The following RHOJ variants were observed in gnomAD, a reference collection of about 807,000 sequenced individuals.
RHOJ encodes rho-related GTP-binding protein RhoJ.
A neutral mutation model predicts 23.4 loss-of-function variants in RHOJ; 11 were observed. The observed-to-expected ratio is 0.47, with a 90% CI of 0.30 to 0.78. RHOJ has a LOEUF of 0.78. Ranked by LOEUF, RHOJ falls within the 30% of genes least tolerant of loss-of-function variation. RHOJ has a pLI of 0.08. For missense variants in RHOJ, 254 were observed against 273.4 expected (o/e 0.93, Z 0.50); for synonymous variants, 102 against 102.7 (o/e 0.99, Z 0.04).
chr14:63,221,839 A>G (rs1168854750), intron 1 of RHOJ, among the ~76,000 whole-genome samples: 1 of 151,948 alleles, frequency 6.6e-6, no homozygotes, highest in African/African-American at 2.4e-5. Flanking sequence ...TTTTTTTTTT[A>G]ATACTTTAAG....
intron 1 of RHOJ, among the ~76,000 whole-genome samples, chr14:63,258,634 C>G (rs1238186020): frequency 6.6e-6 from 1 of 152,162 alleles, no homozygotes; most frequent in East Asian, 1.9e-4. Context: ...GGGTACCAGC[C>G]ATGCCCTGGG....
At chr14:63,234,549 T>C (rs188986168) in intron 1 of RHOJ, among the ~76,000 whole-genome samples, 155 of 152,344 alleles carry the variant, frequency 1.0e-3, no homozygotes, top group Admixed American at 2.4e-3. Context: ...ATATGTTTTA[T>C]TGGTACTAGT....
intron 1 of RHOJ, among the ~76,000 whole-genome samples, chr14:63,257,622 G>T (rs1895194031): frequency 1.3e-5 from 2 of 149,742 alleles, no homozygotes; most frequent in Non-Finnish European, 3.0e-5. Context: ...GTAGCCCACG[G>T]CTCCCTACAT....
intron 1 of RHOJ, among the ~76,000 whole-genome samples, chr14:63,225,756 A>G (rs983641947): frequency 1.3e-5 from 2 of 152,220 alleles, no homozygotes; most frequent in African/African-American, 4.8e-5. Flanking sequence ...GGTCTCAGAA[A>G]TGTCCCATAA....
In RHOJ at chr14:63,261,469, C is replaced by A. The variant is rs186829924; in HGVS notation, c.179-7641C>A. On this transcript the variant is annotated intron_variant, in intron 1 of 4. Transcript: ENST00000316754. ...TTTGAGACAGAGTCTTACTCTGTTA[C>A]CCAAGCTCTGGAGTGAAGTGCCAAA... 2.4e-3 allele frequency among the ~76,000 whole-genome samples: 371 copies of A among 151,808 alleles called. 8 individuals carry two copies. Among genetic ancestry groups the A allele is most frequent in the Admixed American group, 0.022 (339 of 15,230 alleles).
Position 63,290,957 on chromosome 14 carries a change from C to T in RHOJ, c.578C>T (p.Thr193Ile). ...LKAVFDEAIL[T>I]IFHPKKKKKR... The stretch of plus-strand genomic sequence containing the variant: ...GCGGTTTTTGATGAAGCAATCCTCA[C>T]CATTTTCCACCCCAAGAAAAAGAAG... Residue 193 changes from threonine (T) to isoleucine (I), a missense_variant, in exon 5 of 5, where the codon ACC becomes ATC. Coordinates refer to ENST00000316754, the MANE Select transcript of RHOJ (RefSeq NM_020663.5). The T allele has an allele frequency of 6.2e-7, 1 of 1,614,118 alleles. No homozygotes were observed. Among genetic ancestry groups the T allele is most frequent in the Admixed American group, 1.7e-5 (1 of 60,016 alleles).
intron 1 of RHOJ, among the ~76,000 whole-genome samples, chr14:63,229,211 G>A (rs1482598420): frequency 6.6e-6 from 1 of 152,124 alleles, no homozygotes; most frequent in Non-Finnish European, 1.5e-5. Context: ...AATAATTTGG[G>A]TCCAAATAAC....
At chr14:63,222,292 C>G (rs557842648) in intron 1 of RHOJ, among the ~76,000 whole-genome samples, 3 of 151,996 alleles carry the variant, frequency 2.0e-5, no homozygotes, top group Non-Finnish European at 4.4e-5. Context: ...CATACGTGTG[C>G]GTGTGTCTTT....
chr14:63,237,728 A>G (rs1389536763), intron 1 of RHOJ, among the ~76,000 whole-genome samples: 1 of 152,264 alleles, frequency 6.6e-6, no homozygotes, highest in African/African-American at 2.4e-5. Context: ...TAATTTAGCT[A>G]TACATTTGTT....
chr14:63,221,148 A>C (rs989174516), intron 1 of RHOJ, among the ~76,000 whole-genome samples: 2 of 152,036 alleles, frequency 1.3e-5, no homozygotes, highest in Non-Finnish European at 2.9e-5. Context: ...GGGCAACATG[A>C]GGAGACCCCG....
intron 1 of RHOJ, among the ~76,000 whole-genome samples, chr14:63,210,297 A>C (rs1315592849): frequency 6.6e-6 from 1 of 152,202 alleles, no homozygotes; most frequent in East Asian, 1.9e-4. Flanking sequence ...CCAGTGTCAC[A>C]TCTACTGAAT....
chr14:63,205,068 C>G (rs558425531), intron 1 of RHOJ, 21 bp downstream of exon 1: 20 of 1,605,176 alleles, frequency 1.2e-5, no homozygotes, highest in Non-Finnish European at 1.7e-5. Flanking sequence ...GTGGGAAACT[C>G]TCTGCATCCA....
At chr14:63,255,456 G>T (rs1895146306) in intron 1 of RHOJ, among the ~76,000 whole-genome samples, 1 of 152,170 alleles carries the variant, frequency 6.6e-6, no homozygotes, top group African/African-American at 2.4e-5. Flanking sequence ...CAGACCAGTA[G>T]CAAGGGCACT....
intron 2 of RHOJ, among the ~76,000 whole-genome samples, chr14:63,274,764 C>T (rs1431309266): frequency 6.6e-6 from 1 of 152,182 alleles, no homozygotes; most frequent in Non-Finnish European, 1.5e-5. Context: ...CAGGATCACA[C>T]CATAGTCACA....
chr14:63,274,615 A>G (rs1030931387), intron 2 of RHOJ, among the ~76,000 whole-genome samples: 2 of 152,208 alleles, frequency 1.3e-5, no homozygotes, highest in African/African-American at 4.8e-5. Context: ...TTACTGGATC[A>G]TTAAAGTACT....
intron 1 of RHOJ, among the ~76,000 whole-genome samples, chr14:63,263,607 C>T (rs1895312073): frequency 6.6e-6 from 1 of 152,140 alleles, no homozygotes; most frequent in African/African-American, 2.4e-5. Context: ...CAGTACTGGC[C>T]CCACACACAG....
At chr14:63,238,806 G>A (rs367911842) in intron 1 of RHOJ, among the ~76,000 whole-genome samples, 2 of 152,290 alleles carry the variant, frequency 1.3e-5, no homozygotes, top group African/African-American at 4.8e-5. Flanking sequence ...GAACTATGAA[G>A]GGGATTTTCA....
At chr14:63,233,459 G>A (rs1312777018) in intron 1 of RHOJ, among the ~76,000 whole-genome samples, 2 of 152,114 alleles carry the variant, frequency 1.3e-5, no homozygotes, top group African/African-American at 4.8e-5. Context: ...TGAAAATGCT[G>A]AAAAAATAAT....
intron 1 of RHOJ, among the ~76,000 whole-genome samples, chr14:63,231,107 T>C (rs1265799880): frequency 6.6e-6 from 1 of 152,164 alleles, no homozygotes; most frequent in Non-Finnish European, 1.5e-5. Flanking sequence ...CAGGCTGGTC[T>C]CAAACTCCTG....
Sources: gnomAD v4.1 joint callset for allele counts (sites outside exome capture counted in the v4.1 genomes callset) on GRCh38, gnomAD v4.1.1 for gene constraint, MANE v1.5 for transcripts, NCBI Gene and HGNC (gene_info 2026-07-23, HGNC 2026-07-21) for gene names.